VWF: variants seen among roughly 807,000 people sequenced by gnomAD.
The protein encoded by VWF is von Willebrand factor.
VWF carries 176 observed loss-of-function variants against 308.6 expected under a neutral mutation model. The observed-to-expected ratio is 0.57, with a 90% CI of 0.50 to 0.65. The LOEUF (loss-of-function observed/expected upper bound fraction) is 0.65. VWF is among the 30% of genes least tolerant of loss of function. VWF has a pLI of 0.00. For synonymous variants in VWF, 1,385 were observed against 1,443.4 expected (o/e 0.96, Z 0.92); for missense variants, 3,146 against 3,648.2 (o/e 0.86, Z 3.55).
chr12:6,120,090 C>T (rs956565538), intron 3 of VWF, among the ~76,000 whole-genome samples: 1 of 152,190 alleles, frequency 6.6e-6, no homozygotes, highest in African/African-American at 2.4e-5. Context: ...AGGTGCTAGA[C>T]AGAGCCTAGC....
intron 43 of VWF, among the ~76,000 whole-genome samples, chr12:5,972,682 C>T (rs1943490647): frequency 6.6e-6 from 1 of 152,206 alleles, no homozygotes; most frequent in Non-Finnish European, 1.5e-5. Context: ...TCACCGCCCA[C>T]CTCCCAGCAG....
At chr12:6,115,232 T>C (rs1044626676) in intron 3 of VWF, among the ~76,000 whole-genome samples, 1 of 151,344 alleles carries the variant, frequency 6.6e-6, no homozygotes, top group Non-Finnish European at 1.5e-5. Flanking sequence ...CAGATGGGGG[T>C]CTCGCTATGT....
chr12:6,033,530 G>C (rs1188750157), intron 20 of VWF, among the ~76,000 whole-genome samples: 1 of 152,206 alleles, frequency 6.6e-6, no homozygotes, highest in Non-Finnish European at 1.5e-5. Context: ...CTGCAAAGCT[G>C]GTGTCGCCCT....
Position 6,075,315 on chromosome 12 carries a change from G to A in VWF, c.874+20C>T, listed in dbSNP as rs755338175. On this transcript the variant is annotated intron_variant, in intron 7 of 51. Transcript: ENST00000261405. The surrounding 1 kb of genome is among the most constrained non-coding windows in gnomAD (Gnocchi z 4.7). ...CCGTTCATCCCCGGCAGGGCAGGAC[G>A]GGGCAGGGGGCCGACTTACTGCACG... 26 of 1,613,512 alleles carry A rather than the reference G, an allele frequency of 1.6e-5. No individual in the cohort carries two copies. In the Middle Eastern group the frequency reaches 5.0e-4, roughly 31 times the overall value.
intron 47 of VWF, among the ~76,000 whole-genome samples, chr12:5,964,274 G>A (rs10466914): frequency 0.035 from 4,766 of 134,354 alleles, 262 homozygotes; most frequent in African/African-American, 0.14. Flanking sequence ...ATACATACAT[G>A]CATACATACA....
chr12:6,016,677 C>A (rs137875257), intron 29 of VWF, 21 bp from the exon 30 acceptor site: 4 of 1,614,074 alleles, frequency 2.5e-6, no homozygotes, highest in East Asian at 4.5e-5. Flanking sequence ...CGAGAAAATG[C>A]GGATTATTTT....
intron 18 of VWF, among the ~76,000 whole-genome samples, chr12:6,041,650 G>A (rs1482751768): frequency 1.3e-5 from 2 of 151,658 alleles, no homozygotes; most frequent in Admixed American, 6.6e-5. Flanking sequence ...GCGTTTCACC[G>A]TGTTACCGGG....
intron 6 of VWF, among the ~76,000 whole-genome samples, chr12:6,092,626 T>TGAGAGTGAGAGAGAGAGAGAGAGAGA (rs1242670462): frequency 7.2e-5 from 6 of 83,528 alleles, no homozygotes; most frequent in African/African-American, 1.9e-4. Context: ...AGAGTGTGTG[T>TGAGAGTGAGAGAGAGAGAGAGAGAGA]GTGTGTGTGT....
chr12:5,976,407 C>T, intron 42 of VWF, 147 bp from the exon 43 acceptor site: 1 of 1,031,984 alleles, frequency 9.7e-7, no homozygotes, highest in Non-Finnish European at 1.5e-6. Context: ...TGCAGGGCTG[C>T]TTATAAAGCA....
chr12:6,073,570 G>A, intron 8 of VWF, 49 bp downstream of exon 8: 1 of 1,612,866 alleles, frequency 6.2e-7, no homozygotes, highest in Non-Finnish European at 8.5e-7. Flanking sequence ...CCAAAGCCAA[G>A]GGTGCTGGCA....
intron 18 of VWF, among the ~76,000 whole-genome samples, chr12:6,037,578 C>A (rs1330689482): frequency 6.6e-6 from 1 of 152,220 alleles, no homozygotes; most frequent in Admixed American, 6.5e-5. Context: ...CAAACCCACT[C>A]TGAGCTCAAC....
intron 6 of VWF, among the ~76,000 whole-genome samples, chr12:6,083,020 CT>C (rs1217781987): frequency 1.3e-5 from 2 of 152,106 alleles, no homozygotes; most frequent in Admixed American, 6.6e-5. Context: ...CCATCACTTT[CT>C]TTTTTTAGAT....
In VWF at chr12:5,969,257, A is replaced by G. The variant is rs752991654; in HGVS notation, c.7683T>C (p.Phe2561=). Residue 2561 remains phenylalanine (F), a synonymous_variant, in exon 45 of 52, where the codon TTT becomes TTC. Coordinates refer to ENST00000261405, the MANE Select transcript of VWF (RefSeq NM_000552.5). ...QLEVPVCPSG[F]QLSCKTSACC... ...ACGCTGAGGTCTTACAGCTCAGCTGAAAGCCCGAGGGGCAGACAGGGACCT... is the reference window on the plus strand; with the variant it reads ...ACGCTGAGGTCTTACAGCTCAGCTGGAAGCCCGAGGGGCAGACAGGGACCT... 22 of 1,614,080 alleles carry G rather than the reference A, an allele frequency of 1.4e-5. No homozygotes were observed. In the African/African-American group the frequency reaches 2.8e-4, roughly 21 times the overall value.
At chr12:6,091,584 C>T (rs1274808650) in intron 6 of VWF, among the ~76,000 whole-genome samples, 1 of 152,152 alleles carries the variant, frequency 6.6e-6, no homozygotes, top group Non-Finnish European at 1.5e-5. Context: ...CACTCTGTTG[C>T]CCAGGCTGGA....
At chr12:5,966,877 A>G (rs1943410384) in intron 47 of VWF, among the ~76,000 whole-genome samples, 1 of 152,218 alleles carries the variant, frequency 6.6e-6, no homozygotes. Flanking sequence ...AAAACTTCCC[A>G]GTGAGGTGTT....
intron 24 of VWF, among the ~76,000 whole-genome samples, chr12:6,025,049 A>G (rs1287292960): frequency 6.6e-6 from 1 of 151,432 alleles, no homozygotes; most frequent in African/African-American, 2.4e-5. Flanking sequence ...GAGAGAGACA[A>G]CTGCACTTAA....
In VWF at chr12:6,018,346, A is replaced by G. The variant is rs985952901; in HGVS notation, c.5053+19T>C. ...GCCCTCGCCCAGCCCTCCCACCTGC[A>G]CACAAGGTGCCAGCATACCAGGTGC... is the stretch of plus-strand genomic sequence containing the variant. On this transcript the variant is annotated intron_variant, in intron 28 of 51. Coordinates refer to ENST00000261405, the MANE Select transcript of VWF (RefSeq NM_000552.5). 1 of 1,605,176 alleles carries G rather than the reference A, an allele frequency of 6.2e-7. No individual in the cohort carries two copies. The highest frequency in any genetic ancestry group is 8.5e-7 in the Non-Finnish European group (1 of 1,177,664).
intron 34 of VWF, among the ~76,000 whole-genome samples, chr12:6,009,289 T>C (rs1481918794): frequency 6.7e-6 from 1 of 149,358 alleles, no homozygotes; most frequent in Non-Finnish European, 1.5e-5. Flanking sequence ...GCAAAGGACT[T>C]GAAAAGACAT....
intron 18 of VWF, among the ~76,000 whole-genome samples, 172 bp downstream of exon 18, chr12:6,044,119 G>A (rs559318325): frequency 2.8e-5 from 4 of 140,356 alleles, no homozygotes; most frequent in African/African-American, 1.1e-4. Context: ...ACTTTGGCAG[G>A]GAGGAGACAG....
Sources: allele counts gnomAD v4.1 joint callset (sites outside exome capture counted in the v4.1 genomes callset), GRCh38; gene constraint gnomAD v4.1.1; non-coding constraint Gnocchi (gnomAD v3.1); transcripts MANE v1.5; gene names NCBI Gene and HGNC (gene_info 2026-07-23, HGNC 2026-07-21).